The following WDPCP variants were observed in gnomAD, a reference collection of about 807,000 sequenced individuals.
WDPCP encodes the protein WD repeat containing planar cell polarity effector.
Under a neutral mutation model 93.1 loss-of-function variants are expected in WDPCP, and 71 were observed. The observed-to-expected ratio is 0.76, with a 90% CI of 0.63 to 0.93. The LOEUF is 0.93. Ranked by LOEUF, WDPCP falls within the 40% of genes least tolerant of loss-of-function variation. The pLI is 0.00. For synonymous variants in WDPCP, 315 were observed against 315.0 expected (o/e 1.00, Z 0.00); for missense variants, 844 against 887.4 (o/e 0.95, Z 0.62).
intron 2 of WDPCP, among the ~76,000 whole-genome samples, chr2:63,691,599 C>T (rs1222989472): frequency 6.6e-6 from 1 of 151,970 alleles, no homozygotes; most frequent in Non-Finnish European, 1.5e-5. Context: ...TGTGCCACTG[C>T]ATTCCAGCCT....
At chr2:63,126,438 G>A (rs1315760046) in intron 17 of WDPCP, among the ~76,000 whole-genome samples, 1 of 152,144 alleles carries the variant, frequency 6.6e-6, no homozygotes, top group African/African-American at 2.4e-5. Flanking sequence ...TTTTACAGAT[G>A]AAGAAACAGG....
intron 6 of WDPCP, among the ~76,000 whole-genome samples, chr2:63,479,095 G>A (rs12614365): frequency 0.045 from 6,769 of 151,258 alleles, 294 homozygotes; most frequent in East Asian, 0.21. Context: ...TAGAAGAGAC[G>A]GATAAATTCC....
At chr2:63,150,274 A>G (rs757062064) in intron 17 of WDPCP, among the ~76,000 whole-genome samples, 5 of 152,102 alleles carry the variant, frequency 3.3e-5, no homozygotes, top group Non-Finnish European at 7.4e-5. Context: ...GGGTTTCTCT[A>G]GGGTTGTGGT....
chr2:63,469,562 C>G (rs1309430436), intron 6 of WDPCP, among the ~76,000 whole-genome samples: 1 of 152,294 alleles, frequency 6.6e-6, no homozygotes, highest in Non-Finnish European at 1.5e-5. Flanking sequence ...ATGGATAGCG[C>G]TGGAGGCCAT....
intron 15 of WDPCP, among the ~76,000 whole-genome samples, chr2:63,164,253 C>T (rs765982388): frequency 2.0e-5 from 3 of 152,102 alleles, no homozygotes; most frequent in Non-Finnish European, 4.4e-5. Context: ...TTTGTTTATA[C>T]AGTGTCTGAC....
intron 17 of WDPCP, among the ~76,000 whole-genome samples, chr2:63,142,498 C>T (rs751534514): frequency 1.1e-4 from 16 of 152,186 alleles, no homozygotes; most frequent in South Asian, 1.0e-3. Context: ...GATCTGAGAG[C>T]GTGCTTGATA....
intron 2 of WDPCP, among the ~76,000 whole-genome samples, chr2:63,810,957 A>G (rs73934992): frequency 0.03 from 4,646 of 152,328 alleles, 249 homozygotes; most frequent in African/African-American, 0.11. Flanking sequence ...GACAATTGTA[A>G]GAAAATAGGA....
intron 14 of WDPCP, among the ~76,000 whole-genome samples, chr2:63,237,122 TAAAC>T (rs1289966358): frequency 1.3e-5 from 2 of 150,962 alleles, no homozygotes; most frequent in African/African-American, 2.4e-5. Context: ...ATAAGGAACT[TAAAC>T]AAATCATTAA....
chr2:63,350,752 G>A (rs1471220335), intron 12 of WDPCP, among the ~76,000 whole-genome samples: 1 of 152,030 alleles, frequency 6.6e-6, no homozygotes, highest in Non-Finnish European at 1.5e-5. Context: ...AGCTTTGGAT[G>A]TCTACTGGCA....
intron 13 of WDPCP, among the ~76,000 whole-genome samples, chr2:63,277,654 G>C (rs184001121): frequency 6.6e-6 from 1 of 152,068 alleles, no homozygotes; most frequent in South Asian, 2.1e-4. Context: ...TTAAAAAGAC[G>C]AAGAGAGACA....
chr2:63,179,205 GA>G lies in WDPCP; in HGVS notation c.1916-4374del, dbSNP rs552500748. On this transcript the variant is annotated intron_variant, in intron 14 of 17. Transcript: ENST00000272321. ...ACAGAGTGAGACCCTGTCTCGGGGG[GA>G]AAAAAAAAAAAGAAATATCAGAGAC... 1.6e-3 allele frequency among the ~76,000 whole-genome samples: 224 copies of G among 138,010 alleles called. No individual in the cohort carries two copies. In the East Asian group the frequency reaches 0.022, roughly 13 times the overall value. The allele number at this position is 138,010 out of a possible 152,430, so 90.5% of individuals were successfully genotyped here.
chr2:63,688,381 C>G (rs1391684214), intron 2 of WDPCP, among the ~76,000 whole-genome samples: 1 of 151,144 alleles, frequency 6.6e-6, no homozygotes, highest in Non-Finnish European at 1.5e-5. Context: ...GAGCCGAGAT[C>G]GCTCCACTGT....
At chr2:63,286,279 C>T (rs1479047527) in intron 13 of WDPCP, among the ~76,000 whole-genome samples, 1 of 152,168 alleles carries the variant, frequency 6.6e-6, no homozygotes, top group Non-Finnish European at 1.5e-5. Flanking sequence ...TGGCCTGAAG[C>T]AACTGAAGAT....
intron 15 of WDPCP, among the ~76,000 whole-genome samples, chr2:63,168,290 T>C (rs1284401431): frequency 6.6e-6 from 1 of 152,074 alleles, no homozygotes; most frequent in Non-Finnish European, 1.5e-5. Flanking sequence ...TTTTATTTGT[T>C]GGATTTTATG....
intron 2 of WDPCP, among the ~76,000 whole-genome samples, chr2:63,740,258 G>C (rs1669694552): frequency 6.6e-6 from 1 of 152,044 alleles, no homozygotes. Flanking sequence ...AGGAGATTCT[G>C]CCCAAAAGTT....
chr2:63,406,350 T>G (rs1189756535), intron 9 of WDPCP, among the ~76,000 whole-genome samples: 1 of 152,154 alleles, frequency 6.6e-6, no homozygotes, highest in Non-Finnish European at 1.5e-5. Context: ...CTCACACTCT[T>G]TTTGCTGCAG....
chr2:63,322,099 C>A (rs931102853), intron 12 of WDPCP, among the ~76,000 whole-genome samples: 1 of 152,062 alleles, frequency 6.6e-6, no homozygotes, highest in African/African-American at 2.4e-5. Flanking sequence ...AATCAGCACT[C>A]TGTGTCTAGC....
intron 14 of WDPCP, among the ~76,000 whole-genome samples, chr2:63,230,419 A>C (rs1372059879): frequency 6.6e-6 from 1 of 152,182 alleles, no homozygotes; most frequent in African/African-American, 2.4e-5. Flanking sequence ...TCTTTATAGC[A>C]GCAATGATTT....
At chr2:63,382,503 G>C (rs967982190) in intron 10 of WDPCP, among the ~76,000 whole-genome samples, 7 of 152,008 alleles carry the variant, frequency 4.6e-5, no homozygotes, top group African/African-American at 1.7e-4. Context: ...CAAAATGGTA[G>C]GTTACAAAAT....
Sources: allele counts gnomAD v4.1 joint callset (sites outside exome capture counted in the v4.1 genomes callset), GRCh38; gene constraint gnomAD v4.1.1; transcripts MANE v1.5; gene names NCBI Gene and HGNC (gene_info 2026-07-23, HGNC 2026-07-21).